Variants in RORA observed in about 807,000 individuals in gnomAD.
The protein encoded by RORA is nuclear receptor ROR-alpha.
RORA carries 7 observed loss-of-function variants against 69.5 expected under a neutral mutation model. The observed-to-expected ratio is 0.10, with a 90% CI of 0.06 to 0.19. RORA has a LOEUF of 0.19. RORA is among the 10% of genes least tolerant of loss of function. RORA has a pLI of 1.00. For missense variants in RORA, 457 were observed against 663.0 expected, an observed-to-expected ratio of 0.69 and a Z score of 3.41; for synonymous variants, 261 against 240.8, an observed-to-expected ratio of 1.08 and a Z score of -0.78.
At chr15:60,750,184 AT>A (rs1357654768) in intron 1 of RORA, among the ~76,000 whole-genome samples, 1 of 152,202 alleles carries the variant, frequency 6.6e-6, no homozygotes, top group African/African-American at 2.4e-5. Context: ...AGGTTAAGTA[AT>A]TTGCCCAAAG....
At chr15:60,694,007 G>A (rs1024627369) in intron 1 of RORA, among the ~76,000 whole-genome samples, 2 of 151,982 alleles carry the variant, frequency 1.3e-5, no homozygotes, top group East Asian at 1.9e-4. Context: ...AAGCAAAAAA[G>A]AACAAAGCAG....
chr15:61,019,222 TG>T (rs1239687517), intron 1 of RORA, among the ~76,000 whole-genome samples: 6 of 152,362 alleles, frequency 3.9e-5, no homozygotes, highest in Admixed American at 3.9e-4. Context: ...AAATTGATAT[TG>T]CTGGCATCAC....
intron 2 of RORA, among the ~76,000 whole-genome samples, chr15:60,637,481 C>G (rs972188086): frequency 1.3e-5 from 2 of 151,918 alleles, no homozygotes; most frequent in Non-Finnish European, 2.9e-5. Context: ...GTAATTTCTT[C>G]TATTACTGTA....
rs370423069 is a variant in RORA, at chr15:60,493,949, T to TCTCACACA, written c.*3505_*3506insTGTGTGAG. Reference sequence around the variant, plus strand: ...CGCACACACATCATACACATGCAAATCACACACACACACACACACACACAC... The same window carrying TCTCACACA: ...CGCACACACATCATACACATGCAAATCTCACACACACACACACACACACACACACACAC... On this transcript the variant is annotated 3_prime_UTR_variant, in exon 11 of 11. Transcript: ENST00000335670. The TCTCACACA allele has an allele frequency of 2.1e-5, 3 of 143,966 alleles. No homozygotes were observed. Among genetic ancestry groups the TCTCACACA allele is most frequent in the Non-Finnish European group, 4.5e-5 (3 of 66,094 alleles). The allele number at this position is 143,966 out of a possible 1,614,324, so 8.9% of individuals were successfully genotyped here.
At chr15:60,614,949 C>A (rs754542623) in intron 2 of RORA, 3 of 1,613,912 alleles carry the variant, frequency 1.9e-6, no homozygotes, top group African/African-American at 2.7e-5. Flanking sequence ...TAATAAAGTT[C>A]TTGGCTGTGG....
chr15:60,973,876 G>C (rs1220673708), intron 1 of RORA, among the ~76,000 whole-genome samples: 2 of 152,244 alleles, frequency 1.3e-5, no homozygotes, highest in African/African-American at 2.4e-5. Flanking sequence ...TGGGGCTGCG[G>C]AGCCCCACAC....
intron 1 of RORA, among the ~76,000 whole-genome samples, chr15:60,717,304 C>A (rs2071233009): frequency 6.6e-6 from 1 of 152,178 alleles, no homozygotes; most frequent in Non-Finnish European, 1.5e-5. Flanking sequence ...AAATCCACCC[C>A]TGAGCTTGTT....
chr15:60,706,351 T>C (rs1189870596), intron 1 of RORA: 3 of 152,412 alleles, frequency 2.0e-5, no homozygotes, highest in South Asian at 2.1e-4. Context: ...GTGGCTGTGG[T>C]TTGGTTTCTC....
chr15:61,080,075 G>A (rs2078516727), intron 1 of RORA, among the ~76,000 whole-genome samples: 1 of 152,166 alleles, frequency 6.6e-6, no homozygotes, highest in Non-Finnish European at 1.5e-5. Context: ...AAGAGAGCTG[G>A]TTCATGGGAG....
chr15:60,858,478 T>C (rs1446467406), intron 1 of RORA, among the ~76,000 whole-genome samples: 1 of 152,112 alleles, frequency 6.6e-6, no homozygotes, highest in Non-Finnish European at 1.5e-5. Context: ...CCCAGTATGG[T>C]TCAGAAGGTC....
chr15:60,592,294 G>T (rs975527770), intron 2 of RORA: 2 of 931,546 alleles, frequency 2.1e-6, no homozygotes, highest in Non-Finnish European at 2.8e-6. Flanking sequence ...ACGTGCGTTC[G>T]GGCAGGCGCG....
chr15:60,846,597 C>T (rs962662201), intron 1 of RORA, among the ~76,000 whole-genome samples: 5 of 152,206 alleles, frequency 3.3e-5, no homozygotes, highest in African/African-American at 1.2e-4. Flanking sequence ...TCACAGAAGG[C>T]ACCTTTGTAC....
In RORA at chr15:61,215,035, T is replaced by G. The variant is rs80258042; in HGVS notation, c.166+14018A>C. On this transcript the variant is annotated intron_variant, in intron 1 of 10. Coordinates refer to ENST00000335670, the MANE Select transcript of RORA (RefSeq NM_134261.3). The stretch of plus-strand genomic sequence containing the variant: ...GCCCGCCACCACGCCCAGCTAATTT[T>G]TTTTTTTTTTTTTTTTTTTTTGTAT... Among the ~76,000 whole-genome samples, 38 of 128,942 alleles carry G rather than the reference T, an allele frequency of 2.9e-4. 1 individual carries two copies. Among genetic ancestry groups the G allele is most frequent in the Non-Finnish European group, 4.6e-4 (29 of 62,478 alleles). 84.6% of individuals were successfully genotyped at this position (128,942 alleles called of 152,430 possible). A position where few individuals can be genotyped will look rare whatever the true frequency, so the allele number is the denominator to read the frequency against.
chr15:60,899,998 T>C (rs1891342515), intron 1 of RORA, among the ~76,000 whole-genome samples: 1 of 152,230 alleles, frequency 6.6e-6, no homozygotes, highest in Non-Finnish European at 1.5e-5. Context: ...ATTTTAGTTG[T>C]TCCTAAAAAG....
chr15:60,683,154 G>A (rs1386284576), intron 1 of RORA, among the ~76,000 whole-genome samples: 2 of 152,078 alleles, frequency 1.3e-5, no homozygotes, highest in African/African-American at 2.4e-5. Context: ...GGAACTACAG[G>A]CATGTGGCAC....
rs558731069 is a variant in RORA, at chr15:60,577,593, G to A, written c.197-45742C>T. On this transcript the variant is annotated intron_variant, in intron 2 of 10. Transcript: ENST00000335670. ...TGGGAGGTGGAGGTTGCAGCAAGCC[G>A]AGATCGCGCCACTGTACTCCAGCCT... Among the ~76,000 whole-genome samples, 346 of 149,492 alleles carry A rather than the reference G, an allele frequency of 2.3e-3. 3 individuals carry two copies. Among genetic ancestry groups the A allele is most frequent in the African/African-American group, 5.4e-3 (217 of 40,452 alleles).
intron 2 of RORA, among the ~76,000 whole-genome samples, chr15:60,663,292 G>A (rs901060366): frequency 6.6e-6 from 1 of 152,140 alleles, no homozygotes; most frequent in Admixed American, 6.5e-5. Flanking sequence ...TGATTAGCTG[G>A]GCGTAATGAT....
intron 1 of RORA, among the ~76,000 whole-genome samples, chr15:61,200,792 A>T (rs1258897563): frequency 6.6e-6 from 1 of 152,136 alleles, no homozygotes; most frequent in Non-Finnish European, 1.5e-5. Context: ...CCCCAATCCC[A>T]AGGTAGATTC....
At chr15:61,196,270 CAATAT>C (rs772755693) in intron 1 of RORA, among the ~76,000 whole-genome samples, 119 of 152,346 alleles carry the variant, frequency 7.8e-4, no homozygotes, top group Non-Finnish European at 1.3e-3. Context: ...TGAATAGCTG[CAATAT>C]CAGACTATCA....
Sources: allele counts gnomAD v4.1 joint callset (sites outside exome capture counted in the v4.1 genomes callset), GRCh38; gene constraint gnomAD v4.1.1; transcripts MANE v1.5; gene names NCBI Gene and HGNC (gene_info 2026-07-23, HGNC 2026-07-21).